The following FRAT1 variants were observed in gnomAD, a reference collection of about 807,000 sequenced individuals.
FRAT1 encodes the protein proto-oncogene FRAT1.
Under a neutral mutation model 16.9 loss-of-function variants are expected in FRAT1, and 9 were observed. The ratio of observed to expected loss-of-function variants is 0.53; its 90% CI spans 0.32 to 0.93. The LOEUF (loss-of-function observed/expected upper bound fraction) is 0.93, where lower values mean the gene tolerates loss of function less well. FRAT1 is among the 40% of genes least tolerant of loss of function. The pLI, the probability that FRAT1 is intolerant of heterozygous loss-of-function variation, is 0.04. For missense variants in FRAT1, 354 were observed against 402.8 expected, an observed-to-expected ratio of 0.88 and a Z score of 1.04; for synonymous variants, 191 against 202.1, an observed-to-expected ratio of 0.95 and a Z score of 0.46.
chr10:97,319,858 A>G lies in FRAT1; in HGVS notation c.405A>G (p.Thr135=). 6.6e-7 allele frequency: 1 copy of G among 1,507,376 alleles called. No homozygotes were observed. The highest frequency in any genetic ancestry group is 8.8e-7 in the Non-Finnish European group (1 of 1,136,734). 93.4% of individuals were successfully genotyped at this position (1,507,376 alleles called of 1,614,324 possible). The change falls in exon 1 of 1, where the codon ACA becomes ACG. Residue 135 remains threonine, a synonymous_variant. Transcript: ENST00000371021. ...AAPYCVAELA[T]GPSALSPLPP... is the part of the protein sequence containing the mutation. ...CCTACTGCGTGGCCGAGCTCGCCAC[A>G]GGCCCCAGCGCGCTGTCCCCACTGC...
chr10:97,320,438 A>C lies in FRAT1; in HGVS notation c.*145A>C. On this transcript the variant is annotated 3_prime_UTR_variant, in exon 1 of 1. Transcript: ENST00000371021. ...AATGACGAGGAACCGAAAAATCGCG[A>C]GTGTTTCGCGGGTAACTGGGGTTGA... 2 of 887,052 alleles carry C rather than the reference A, an allele frequency of 2.3e-6. No homozygotes were observed. The highest frequency in any genetic ancestry group is 2.8e-5 in the East Asian group (1 of 35,466). 54.9% of individuals were successfully genotyped at this position (887,052 alleles called of 1,614,324 possible).
In FRAT1 at chr10:97,319,641, C is replaced by G. The variant is rs1485849960; in HGVS notation, c.188C>G (p.Pro63Arg). The G allele has an allele frequency of 4.8e-6, 6 of 1,244,528 alleles. No homozygotes were observed. Among genetic ancestry groups the G allele is most frequent in the Admixed American group, 4.0e-5 (1 of 25,198 alleles). The allele number at this position is 1,244,528 out of a possible 1,614,324, so 77.1% of individuals were successfully genotyped here. A position where few individuals can be genotyped will look rare whatever the true frequency, so the allele number is the denominator to read the frequency against. Residue 63 changes from proline to arginine, a missense_variant, in exon 1 of 1, where the codon CCG becomes CGG. Coordinates refer to ENST00000371021, the MANE Select transcript of FRAT1 (RefSeq NM_005479.4). ...LDAAQHSPAS[P>R]CGPPGAPLRA... ...GCGGCGCAGCACAGCCCGGCCTCGCCGTGCGGGCCCCCGGGGGCGCCGCTG... is the reference window on the plus strand; with the variant it reads ...GCGGCGCAGCACAGCCCGGCCTCGCGGTGCGGGCCCCCGGGGGCGCCGCTG...
chr10:97,319,718 C>A lies in FRAT1; in HGVS notation c.265C>A (p.Pro89Thr). 1 of 1,185,414 alleles carries A rather than the reference C, an allele frequency of 8.4e-7. No homozygotes were observed. The highest frequency in any genetic ancestry group is 1.0e-6 in the Non-Finnish European group (1 of 959,484). 73.4% of individuals were successfully genotyped at this position (1,185,414 alleles called of 1,614,324 possible). Residue 89 changes from proline (P) to threonine (T), a missense_variant, in exon 1 of 1, where the codon CCG becomes ACG. Physicochemically the swap from Pro to Thr is conservative, Grantham distance 38 (BLOSUM62 -1). Coordinates refer to ENST00000371021, the MANE Select transcript of FRAT1 (RefSeq NM_005479.4). Reference protein sequence around the residue: ...AAVPADKARSPAVPLLLPPAL... With the variant: ...AAVPADKARSTAVPLLLPPAL... ...GGTGCCGGCGGACAAGGCCAGGTCCCCGGCGGTGCCGCTGCTGCTGCCGCC... is the reference window on the plus strand; with the variant it reads ...GGTGCCGGCGGACAAGGCCAGGTCCACGGCGGTGCCGCTGCTGCTGCCGCC...
At position 97,320,362 on chromosome 10, in the gene FRAT1, C is replaced by A. The variant is rs1309366580; in HGVS notation, c.*69C>A. On this transcript the variant is annotated 3_prime_UTR_variant, in exon 1 of 1. Transcript: ENST00000371021. ...AGGGGTTCCCTTGAGGGCTGCAGTT[C>A]TACTCAGGCTGGTGGAGAACTCTGG... 1.5e-6 allele frequency: 2 copies of A among 1,338,454 alleles called. No homozygotes were observed. The highest frequency in any genetic ancestry group is 1.6e-5 in the South Asian group (1 of 64,282). 82.9% of individuals were successfully genotyped at this position (1,338,454 alleles called of 1,614,324 possible).
chr10:97,319,520 G>A lies in FRAT1; in HGVS notation c.67G>A (p.Asp23Asn), dbSNP rs949668474. The change falls in exon 1 of 1, where the codon GAC becomes AAC. Residue 23 changes from aspartate (D) to asparagine (N), a missense_variant. Physicochemically the swap from Asp to Asn is conservative, Grantham distance 23 (BLOSUM62 1). Around this residue, in one of 3 missense-constraint regions of FRAT1, gnomAD observed 46 missense variants for 37.7 expected, o/e 1.22. Coordinates refer to ENST00000371021, the MANE Select transcript of FRAT1 (RefSeq NM_005479.4). ...GGCGGAGGGGGAGGAAGAGGAGGAG[G>A]ACAGCTTCCTCCTACTGCAGCAGTC... ...EEAEGEEEEE[D>N]SFLLLQQSVA... 1.4e-6 allele frequency: 2 copies of A among 1,478,940 alleles called. No homozygotes were observed. The highest frequency in any genetic ancestry group is 2.9e-5 in the African/African-American group (2 of 68,814). 91.6% of individuals were successfully genotyped at this position (1,478,940 alleles called of 1,614,324 possible).
rs1341460649 is a variant in FRAT1 at position 97,320,295 on chromosome 10, ACGCCCGGGGTG to A, written c.*3_*13del. On this transcript the variant is annotated 3_prime_UTR_variant, in exon 1 of 1. Coordinates refer to ENST00000371021, the MANE Select transcript of FRAT1 (RefSeq NM_005479.4). ...GGCGTTCTTGTGCCTGGCAGCTAAC[ACGCCCGGGGTG>A]GCCACAGCGCCAGCCTCAGACTGGA... The A allele has an allele frequency of 2.6e-6, 4 of 1,561,782 alleles. No homozygotes were observed. In the African/African-American group the frequency reaches 5.5e-5, roughly 21 times the overall value.
Position 97,319,464 on chromosome 10 carries a change from G to A in FRAT1, c.11G>A (p.Arg4Gln), listed in dbSNP as rs988210124. The A allele has an allele frequency of 4.8e-6, 7 of 1,447,078 alleles. No homozygotes were observed. The highest frequency in any genetic ancestry group is 1.3e-5 in the South Asian group (1 of 74,936). 89.6% of individuals were successfully genotyped at this position (1,447,078 alleles called of 1,614,324 possible). A position where few individuals can be genotyped will look rare whatever the true frequency, so the allele number is the denominator to read the frequency against. ...CCCAGACAGGGGGCCATGCCGTGCC[G>A]GAGGGAGGAGGAAGAGGAAGCCGGC... MPC[R>Q]REEEEEAGEE... The change falls in exon 1 of 1, where the codon CGG becomes CAG. Residue 4 changes from arginine to glutamine, a missense_variant. Arg to Gln is a conservative substitution (Grantham distance 43). Transcript: ENST00000371021.
chr10:97,319,668 G>A lies in FRAT1; in HGVS notation c.215G>A (p.Arg72Gln). The A allele has an allele frequency of 8.4e-7, 1 of 1,185,908 alleles. No homozygotes were observed. Among genetic ancestry groups the A allele is most frequent in the Non-Finnish European group, 1.0e-6 (1 of 959,854 alleles). The allele number at this position is 1,185,908 out of a possible 1,614,324, so 73.5% of individuals were successfully genotyped here. ...SPCGPPGAPL[R>Q]APGPLAAAVP... ...TGCGGGCCCCCGGGGGCGCCGCTGC[G>A]GGCCCCGGGGCCCCTGGCTGCGGCG... Residue 72 changes from arginine (R) to glutamine (Q), a missense_variant, in exon 1 of 1, where the codon CGG becomes CAG. Arg to Gln is a conservative substitution (Grantham distance 43, BLOSUM62 1). This residue lies in a region of FRAT1 where 286 missense variants were observed against 311.0 expected (regional missense o/e 0.92). Coordinates refer to ENST00000371021, the MANE Select transcript of FRAT1 (RefSeq NM_005479.4).
At position 97,320,267 on chromosome 10, in the gene FRAT1, G is replaced by T; in HGVS notation, c.814G>T (p.Asp272Tyr). 2 of 1,589,814 alleles carry T rather than the reference G, an allele frequency of 1.3e-6. No homozygotes were observed. Among genetic ancestry groups the T allele is most frequent in the East Asian group, 2.3e-5 (1 of 43,826 alleles). The change falls in exon 1 of 1, where the codon GAC becomes TAC. Residue 272 changes from aspartate (D) to tyrosine (Y), a missense_variant. Physicochemically the swap from Asp to Tyr is radical, Grantham distance 160. Around this residue, in one of 3 missense-constraint regions of FRAT1, gnomAD observed 286 missense variants for 311.0 expected, o/e 0.92. Transcript: ENST00000371021. ...ASGRAQLRTG[D>Y]GVLVPGS ...CGGGAGGGCGCAGCTCAGAACTGGC[G>T]ACGGCGTTCTTGTGCCTGGCAGCTA... is the stretch of plus-strand genomic sequence containing the variant.
rs1217880461 is a variant in FRAT1 at position 97,319,281 on chromosome 10, G to C, written c.-173G>C. 6.1e-6 allele frequency: 5 copies of C among 815,128 alleles called. No homozygotes were observed. Among genetic ancestry groups the C allele is most frequent in the Middle Eastern group, 4.3e-4 (1 of 2,350 alleles). The allele number at this position is 815,128 out of a possible 1,614,324, so 50.5% of individuals were successfully genotyped here. A position where few individuals can be genotyped will look rare whatever the true frequency, so the allele number is the denominator to read the frequency against. On this transcript the variant is annotated 5_prime_UTR_variant, in exon 1 of 1. Coordinates refer to ENST00000371021, the MANE Select transcript of FRAT1 (RefSeq NM_005479.4). ...GAGCCGGCAGGATTCCGGCTCCCGC[G>C]GCTGCAGGCGCGCGGCTAGAGTGCC... is the stretch of plus-strand genomic sequence containing the variant.
rs573299948 is a variant in FRAT1 at position 97,320,135 on chromosome 10, C to T, written c.682C>T (p.Arg228Cys). 1 of 1,612,392 alleles carries T rather than the reference C, an allele frequency of 6.2e-7. No individual in the cohort carries two copies. Among genetic ancestry groups the T allele is most frequent in the South Asian group, 1.1e-5 (1 of 90,764 alleles). The change falls in exon 1 of 1, where the codon CGT becomes TGT. Residue 228 changes from arginine (R) to cysteine (C), a missense_variant. This residue lies in a region of FRAT1 where 286 missense variants were observed against 311.0 expected (regional missense o/e 0.92). Coordinates refer to ENST00000371021, the MANE Select transcript of FRAT1 (RefSeq NM_005479.4). ...RRLHSRRLQL[R>C]AKLPQRPLLG... is the part of the protein sequence containing the mutation. ...GCTTCATTCGCGACGGCTGCAGTTA[C>T]GTGCAAAGCTTCCCCAACGCCCGCT...
Position 97,319,803 on chromosome 10 carries a change from A to G in FRAT1, c.350A>G (p.Asp117Gly), listed in dbSNP as rs1204478222. The G allele has an allele frequency of 1.9e-5, 25 of 1,343,072 alleles. No homozygotes were observed. The highest frequency in any genetic ancestry group is 2.4e-5 in the Non-Finnish European group (25 of 1,058,206). 83.2% of individuals were successfully genotyped at this position (1,343,072 alleles called of 1,614,324 possible). Reference sequence around the variant, plus strand: ...GGGGTCCTGCGCTGCGCCCTGGGGGACCGCGGCCGCGTGCGGGGCCGCGCT... The same window carrying G: ...GGGGTCCTGCGCTGCGCCCTGGGGGGCCGCGGCCGCGTGCGGGGCCGCGCT... ...PPGVLRCALGDRGRVRGRAAP... is the reference protein window; with the variant it reads ...PPGVLRCALGGRGRVRGRAAP... Residue 117 changes from aspartate (D) to glycine (G), a missense_variant, in exon 1 of 1, where the codon GAC becomes GGC. Transcript: ENST00000371021.
Position 97,319,299 on chromosome 10 carries a change from A to C in FRAT1, c.-155A>C, listed in dbSNP as rs1471175511. The C allele has an allele frequency of 2.0e-6, 2 of 1,000,440 alleles. No homozygotes were observed. Among genetic ancestry groups the C allele is most frequent in the South Asian group, 4.3e-5 (1 of 23,136 alleles). The allele number at this position is 1,000,440 out of a possible 1,614,324, so 62.0% of individuals were successfully genotyped here. A position where few individuals can be genotyped will look rare whatever the true frequency, so the allele number is the denominator to read the frequency against. ...CTCCCGCGGCTGCAGGCGCGCGGCTAGAGTGCCTGGCGGGCTCCGGCTTCC... is the reference window on the plus strand; with the variant it reads ...CTCCCGCGGCTGCAGGCGCGCGGCTCGAGTGCCTGGCGGGCTCCGGCTTCC... On this transcript the variant is annotated 5_prime_UTR_variant, in exon 1 of 1. Transcript: ENST00000371021.
Position 97,321,484 on chromosome 10 carries a change from G to A in FRAT1, c.*1191G>A, listed in dbSNP as rs981479955. On this transcript the variant is annotated 3_prime_UTR_variant, in exon 1 of 1. Coordinates refer to ENST00000371021, the MANE Select transcript of FRAT1 (RefSeq NM_005479.4). ...AATAACAGCTGCAATTCCCTGGATAGACGAGTTGATTTCCTCCCTCTGCCC... is the reference window on the plus strand; with the variant it reads ...AATAACAGCTGCAATTCCCTGGATAAACGAGTTGATTTCCTCCCTCTGCCC... 6.0e-6 allele frequency: 1 copy of A among 167,238 alleles called. No homozygotes were observed. Among genetic ancestry groups the A allele is most frequent in the African/African-American group, 2.4e-5 (1 of 41,456 alleles). The allele number at this position is 167,238 out of a possible 1,614,324, so 10.4% of individuals were successfully genotyped here.
Position 97,319,746 on chromosome 10 carries a change from C to G in FRAT1, c.293C>G (p.Ala98Gly). The change falls in exon 1 of 1, where the codon GCG becomes GGG. Residue 98 changes from alanine (A) to glycine (G), a missense_variant. Transcript: ENST00000371021. ...SPAVPLLLPP[A>G]LAETVGPAPP... ...GCGGTGCCGCTGCTGCTGCCGCCCG[C>G]GTTGGCGGAGACTGTGGGCCCGGCG... 8.3e-7 allele frequency: 1 copy of G among 1,208,816 alleles called. No homozygotes were observed. Among genetic ancestry groups the G allele is most frequent in the Non-Finnish European group, 1.0e-6 (1 of 974,774 alleles). 74.9% of individuals were successfully genotyped at this position (1,208,816 alleles called of 1,614,324 possible). A position where few individuals can be genotyped will look rare whatever the true frequency, so the allele number is the denominator to read the frequency against.
At position 97,320,473 on chromosome 10, in the gene FRAT1, T is replaced by A; in HGVS notation, c.*180T>A. On this transcript the variant is annotated 3_prime_UTR_variant, in exon 1 of 1. Transcript: ENST00000371021. ...GGGTAACTGGGGTTGAGGGCCAAAA[T>A]ATTTGGAATGAAGGACTTTGGCCCT... 3.3e-6 allele frequency: 2 copies of A among 598,526 alleles called. No individual in the cohort carries two copies. Among genetic ancestry groups the A allele is most frequent in the Non-Finnish European group, 5.6e-6 (2 of 354,212 alleles). 37.1% of individuals were successfully genotyped at this position (598,526 alleles called of 1,614,324 possible).
chr10:97,320,010 G>T lies in FRAT1; in HGVS notation c.557G>T (p.Arg186Leu). The T allele has an allele frequency of 6.4e-7, 1 of 1,556,454 alleles. No homozygotes were observed. The part of the protein sequence containing the change: ...AAASRRLQQR[R>L]GSQPETRTGD... ...GCCTCCCGCCGCCTGCAGCAGCGAC[G>T]CGGGTCCCAACCAGAAACCCGCACA... is the stretch of plus-strand genomic sequence containing the variant. Residue 186 changes from arginine to leucine, a missense_variant, in exon 1 of 1, where the codon CGC becomes CTC. Arg to Leu is a moderately radical substitution (Grantham distance 102). This residue lies in a region of FRAT1 where 286 missense variants were observed against 311.0 expected (regional missense o/e 0.92). Transcript: ENST00000371021.
In FRAT1 at chr10:97,321,406, G is replaced by C. The variant is rs576512169; in HGVS notation, c.*1113G>C. On this transcript the variant is annotated 3_prime_UTR_variant, in exon 1 of 1. Coordinates refer to ENST00000371021, the MANE Select transcript of FRAT1 (RefSeq NM_005479.4). ...GAGACGCCATGTGATGGACACTCCA[G>C]GGACACACAGCCTAGCACAGCAGCT... 1 of 167,326 alleles carries C rather than the reference G, an allele frequency of 6.0e-6. No individual in the cohort carries two copies. The highest frequency in any genetic ancestry group is 1.5e-5 in the Non-Finnish European group (1 of 68,306). The allele number at this position is 167,326 out of a possible 1,614,324, so 10.4% of individuals were successfully genotyped here. A position where few individuals can be genotyped will look rare whatever the true frequency, so the allele number is the denominator to read the frequency against.
rs1282922294 is a variant in FRAT1 at position 97,319,876 on chromosome 10, C to T, written c.423C>T (p.Ser141=). ...TCGCCACAGGCCCCAGCGCGCTGTCCCCACTGCCCCCTCAGGCCGACCTTG... is the reference window on the plus strand; with the variant it reads ...TCGCCACAGGCCCCAGCGCGCTGTCTCCACTGCCCCCTCAGGCCGACCTTG... ...AELATGPSAL[S]PLPPQADLDG... is the part of the protein sequence containing the mutation. The change falls in exon 1 of 1, where the codon TCC becomes TCT. Residue 141 remains serine, a synonymous_variant. Transcript: ENST00000371021. 2.0e-6 allele frequency: 3 copies of T among 1,523,522 alleles called. No individual in the cohort carries two copies. Among genetic ancestry groups the T allele is most frequent in the Non-Finnish European group, 1.8e-6 (2 of 1,142,618 alleles). 94.4% of individuals were successfully genotyped at this position (1,523,522 alleles called of 1,614,324 possible).
Sources: gnomAD v4.1 joint callset for allele counts on GRCh38, gnomAD v4.1.1 for gene constraint, gnomAD v4.1.1 regional missense constraint, MANE v1.5 for transcripts, NCBI Gene and HGNC (gene_info 2026-07-23, HGNC 2026-07-21) for gene names.